SNTB2: variants seen among roughly 807,000 people sequenced by gnomAD.
SNTB2 encodes syntrophin beta 2, also known as beta-2-syntrophin.
A neutral mutation model predicts 46.2 loss-of-function variants in SNTB2; 34 were observed. The ratio of observed to expected loss-of-function variants is 0.74; its 90% CI spans 0.56 to 0.98. SNTB2 has a LOEUF of 0.98. Among genes scored for constraint, SNTB2 ranks in the 50% least tolerant of loss-of-function variants. The pLI is 0.00. For missense variants in SNTB2, 603 were observed against 731.4 expected (o/e 0.82, Z 2.02); for synonymous variants, 290 against 312.6 (o/e 0.93, Z 0.76).
intron 4 of SNTB2, among the ~76,000 whole-genome samples, chr16:69,283,349 A>G (rs1965068752): frequency 6.6e-6 from 1 of 152,116 alleles, no homozygotes; most frequent in South Asian, 2.1e-4. Context: ...TTTTGGAATC[A>G]TTTTTTTCAC....
At chr16:69,208,971 A>AGTGTGTGTGTGTGTGTGTGT (rs570119837) in intron 1 of SNTB2, among the ~76,000 whole-genome samples, 1 of 149,118 alleles carries the variant, frequency 6.7e-6, no homozygotes, top group Admixed American at 6.6e-5. Context: ...TGAATTTTTG[A>AGTGTGTGTGTGTGTGTGTGT]GTGTGTGTGT....
At chr16:69,282,117 C>G (rs918536181) in intron 4 of SNTB2, among the ~76,000 whole-genome samples, 3 of 149,448 alleles carry the variant, frequency 2.0e-5, no homozygotes, top group Non-Finnish European at 4.5e-5. Context: ...GTGGGCTAGG[C>G]TGGACTTAAA....
rs1555501036 is a variant in SNTB2, at chr16:69,287,863, A to AT, written c.1345+3619_1345+3620insT. ...AACAGTGGGAAACTCTGTCTCAAAAAATATATATATATATATATGTATATG... is the reference window on the plus strand; with the variant it reads ...AACAGTGGGAAACTCTGTCTCAAAAATATATATATATATATATATGTATATG... On this transcript the variant is annotated intron_variant, in intron 5 of 6. Transcript: ENST00000336278. Among the ~76,000 whole-genome samples, 10 of 147,910 alleles carry AT rather than the reference A, an allele frequency of 6.8e-5. 1 individual carries two copies. Among genetic ancestry groups the AT allele is most frequent in the East Asian group, 2.0e-4 (1 of 5,052 alleles).
At chr16:69,222,592 C>CAAAA (rs201176169) in intron 1 of SNTB2, among the ~76,000 whole-genome samples, 2 of 55,272 alleles carry the variant, frequency 3.6e-5, no homozygotes, top group Admixed American at 2.1e-4. Flanking sequence ...GACTTCATCT[C>CAAAA]AAAAAAAAAA....
Position 69,302,824 on chromosome 16 carries a change from C to T in SNTB2, c.*1900C>T, listed in dbSNP as rs1040818705. Reference sequence around the variant, plus strand: ...TAGACAAGAATATGTCTTTCAAGAGCTTTTTATGTTTTGAAAGTTCATAAA... The same window carrying T: ...TAGACAAGAATATGTCTTTCAAGAGTTTTTTATGTTTTGAAAGTTCATAAA... On this transcript the variant is annotated 3_prime_UTR_variant, in exon 7 of 7. Coordinates refer to ENST00000336278, the MANE Select transcript of SNTB2 (RefSeq NM_006750.4). The T allele has an allele frequency of 2.6e-5, 4 of 152,094 alleles. No homozygotes were observed. Among genetic ancestry groups the T allele is most frequent in the African/African-American group, 7.2e-5 (3 of 41,418 alleles). The allele number at this position is 152,094 out of a possible 1,614,324, so 9.4% of individuals were successfully genotyped here.
intron 4 of SNTB2, 21 bp downstream of exon 4, chr16:69,270,306 G>A: frequency 6.2e-7 from 1 of 1,613,404 alleles, no homozygotes; most frequent in South Asian, 1.1e-5. Context: ...CTAAAGATAA[G>A]GAAGTAAAAT....
chr16:69,231,418 G>A (rs999425313), intron 1 of SNTB2, among the ~76,000 whole-genome samples: 2 of 151,912 alleles, frequency 1.3e-5, no homozygotes, highest in African/African-American at 2.4e-5. Context: ...GAGAAACCCC[G>A]TCTCAACTAA....
Position 69,304,469 on chromosome 16 carries a change from C to T in SNTB2, c.*3545C>T, listed in dbSNP as rs1291926947. ...CTGTACTCTCACAAACTTTGTTACT[C>T]AAAATTATTGCATGGCAGGAGAGAT... is the stretch of plus-strand genomic sequence containing the variant. On this transcript the variant is annotated 3_prime_UTR_variant, in exon 7 of 7. Transcript: ENST00000336278. 2 of 152,536 alleles carry T rather than the reference C, an allele frequency of 1.3e-5. No homozygotes were observed. Among genetic ancestry groups the T allele is most frequent in the African/African-American group, 4.8e-5 (2 of 41,412 alleles). 9.4% of individuals were successfully genotyped at this position (152,536 alleles called of 1,614,324 possible).
Position 69,245,640 on chromosome 16 carries a change from C to T in SNTB2, c.619C>T (p.Pro207Ser). The T allele has an allele frequency of 1.2e-6, 2 of 1,614,014 alleles. No homozygotes were observed. Among genetic ancestry groups the T allele is most frequent in the Non-Finnish European group, 8.5e-7 (1 of 1,179,960 alleles). The change falls in exon 2 of 7, where the codon CCA (proline) becomes TCA (serine). Residue 207 changes from proline (P) to serine (S), a missense_variant. Physicochemically the swap from Pro to Ser is moderately conservative, Grantham distance 74 (BLOSUM62 -1). This residue lies in a region of SNTB2 where 537 missense variants were observed against 692.4 expected (regional missense o/e 0.78). Transcript: ENST00000336278. Reference sequence around the variant, plus strand: ...AGAAGTAACACCATATATCAAGAAGCCATCATTAGTATCAGATCTGCCGTG... The same window carrying T: ...AGAAGTAACACCATATATCAAGAAGTCATCATTAGTATCAGATCTGCCGTG... ...IREVTPYIKK[P>S]SLVSDLPWEG...
At position 69,292,367 on chromosome 16, in the gene SNTB2, T is replaced by TA. The variant is rs796634567; in HGVS notation, c.1346-7222dup. ...TCACCTTATTTTTTATATATATATATATATATATATATTATATATATATTA... is the reference window on the plus strand; with the variant it reads ...TCACCTTATTTTTTATATATATATATAATATATATATATTATATATATATTA... On this transcript the variant is annotated intron_variant, in intron 5 of 6. Coordinates refer to ENST00000336278, the MANE Select transcript of SNTB2 (RefSeq NM_006750.4). Among the ~76,000 whole-genome samples, 50 of 20,318 alleles carry TA rather than the reference T, an allele frequency of 2.5e-3. 3 individuals are homozygous for TA. The highest frequency in any genetic ancestry group is 3.2e-3 in the African/African-American group (14 of 4,414). The allele number at this position is 20,318 out of a possible 152,430, so 13.3% of individuals were successfully genotyped here.
Position 69,187,597 on chromosome 16 carries a change from A to T in SNTB2, c.431A>T (p.Lys144Met). 2 of 1,552,908 alleles carry T rather than the reference A, an allele frequency of 1.3e-6. No individual in the cohort carries two copies. The highest frequency in any genetic ancestry group is 1.9e-5 in the Admixed American group (1 of 51,282). Reference sequence around the variant, plus strand: ...AACCGGATGCCGATCCTCATCTCCAAGATCTTCCCCGGGCTGGCTGCCGAC... The same window carrying T: ...AACCGGATGCCGATCCTCATCTCCATGATCTTCCCCGGGCTGGCTGCCGAC... ...RENRMPILIS[K>M]IFPGLAADQS... is the part of the protein sequence containing the mutation. Residue 144 changes from lysine (K) to methionine (M), a missense_variant, in exon 1 of 7, where the codon AAG becomes ATG. This residue lies in a region of SNTB2 where 537 missense variants were observed against 692.4 expected (regional missense o/e 0.78). Coordinates refer to ENST00000336278, the MANE Select transcript of SNTB2 (RefSeq NM_006750.4).
At chr16:69,278,433 G>C (rs907242492) in intron 4 of SNTB2, among the ~76,000 whole-genome samples, 6 of 150,744 alleles carry the variant, frequency 4.0e-5, no homozygotes, top group African/African-American at 1.5e-4. Flanking sequence ...TTTCCTATAT[G>C]TATACTTCAC....
intron 5 of SNTB2, among the ~76,000 whole-genome samples, chr16:69,299,244 G>A (rs1965256965): frequency 6.6e-6 from 1 of 151,712 alleles, no homozygotes; most frequent in African/African-American, 2.4e-5. Flanking sequence ...CCGGGTGCAA[G>A]CAATTCTCCT....
intron 1 of SNTB2, among the ~76,000 whole-genome samples, chr16:69,221,264 T>C (rs950357137): frequency 2.0e-5 from 3 of 152,216 alleles, no homozygotes; most frequent in Admixed American, 2.0e-4. Context: ...CTTCTAAACC[T>C]AAATTCCTGA....
intron 1 of SNTB2, among the ~76,000 whole-genome samples, chr16:69,206,477 G>A (rs1348209030): frequency 1.3e-5 from 2 of 151,950 alleles, no homozygotes; most frequent in African/African-American, 4.8e-5. Flanking sequence ...CAAGGTGGGT[G>A]GATCGGGAGT....
intron 5 of SNTB2, among the ~76,000 whole-genome samples, chr16:69,292,115 T>C (rs1965164982): frequency 1.3e-5 from 2 of 150,206 alleles, no homozygotes; most frequent in African/African-American, 4.9e-5. Flanking sequence ...CAGGCACCTG[T>C]AGTCCCAGCT....
At chr16:69,235,846 C>G (rs1964554689) in intron 1 of SNTB2, 1 of 1,288,990 alleles carries the variant, frequency 7.8e-7, no homozygotes, top group African/African-American at 1.5e-5. Flanking sequence ...GAGTTTGAAC[C>G]CGTTAGCTAC....
chr16:69,204,858 G>A (rs1964198110), intron 1 of SNTB2, among the ~76,000 whole-genome samples: 1 of 152,172 alleles, frequency 6.6e-6, no homozygotes, highest in South Asian at 2.1e-4. Context: ...GAAATTGCTA[G>A]TTTAACCACT....
rs866660821 is a variant in SNTB2 at position 69,214,133 on chromosome 16, T to A, written c.580+26387T>A. 8.4e-4 allele frequency among the ~76,000 whole-genome samples: 125 copies of A among 149,006 alleles called. 1 individual carries two copies. Among genetic ancestry groups the A allele is most frequent in the Middle Eastern group, 3.5e-3 (1 of 288 alleles). ...CCACCACGCCCAGCCTTTTATTTTT[T>A]TTTTTTTTATTTTTTTTGAGACAGT... On this transcript the variant is annotated intron_variant, in intron 1 of 6. Transcript: ENST00000336278.
Sources: allele counts gnomAD v4.1 joint callset (sites outside exome capture counted in the v4.1 genomes callset), GRCh38; gene constraint gnomAD v4.1.1; regional missense constraint gnomAD v4.1.1; transcripts MANE v1.5; gene names NCBI Gene and HGNC (gene_info 2026-07-23, HGNC 2026-07-21).